DLG2: variants seen among roughly 807,000 people sequenced by gnomAD.
The protein encoded by DLG2 is disks large homolog 2.
Under a neutral mutation model 132.5 loss-of-function variants are expected in DLG2, and 45 were observed. The ratio of observed to expected loss-of-function variants is 0.34; its 90% CI spans 0.27 to 0.44. The LOEUF (loss-of-function observed/expected upper bound fraction) is 0.44. Ranked by LOEUF, DLG2 falls within the 20% of genes least tolerant of loss-of-function variation. The pLI is 1.00. For synonymous variants in DLG2, 424 were observed against 419.6 expected (o/e 1.01, Z -0.13); for missense variants, 1,045 against 1,196.9 (o/e 0.87, Z 1.87).
chr11:83,796,055 A>G (rs999279748), intron 17 of DLG2, among the ~76,000 whole-genome samples: 1 of 152,254 alleles, frequency 6.6e-6, no homozygotes, highest in Non-Finnish European at 1.5e-5. Context: ...TAAGCTCCTT[A>G]AAAGTCAGAT....
At chr11:84,460,593 A>C (rs2099077787) in intron 7 of DLG2, among the ~76,000 whole-genome samples, 1 of 150,630 alleles carries the variant, frequency 6.6e-6, no homozygotes, top group South Asian at 2.1e-4. Flanking sequence ...TACATCCATG[A>C]ATTACAACCT....
Position 83,562,867 on chromosome 11 carries a change from G to A in DLG2, c.1941-21009C>T, listed in dbSNP as rs530652022. On this transcript the variant is annotated intron_variant, in intron 19 of 27. Transcript: ENST00000376104. ...CTCCACTTCTTTACATTTCTTGAGC[G>A]CCTTACCAATCTGCATCTGGTCTTT... Among the ~76,000 whole-genome samples the A allele has an allele frequency of 1.3e-3, 204 of 151,502 alleles. 3 individuals carry two copies. Among genetic ancestry groups the A allele is most frequent in the South Asian group, 2.1e-4 (1 of 4,760 alleles).
At chr11:84,421,927 G>A (rs1039539587) in intron 7 of DLG2, among the ~76,000 whole-genome samples, 1 of 152,126 alleles carries the variant, frequency 6.6e-6, no homozygotes, top group Admixed American at 6.5e-5. Context: ...CCCTCTCCGA[G>A]GCCTCCTGTG....
chr11:84,108,676 A>C (rs995374945), intron 9 of DLG2, among the ~76,000 whole-genome samples: 1 of 152,124 alleles, frequency 6.6e-6, no homozygotes, highest in Non-Finnish European at 1.5e-5. Flanking sequence ...GGGGACAGTA[A>C]GTTTTTGGGT....
chr11:84,449,318 G>T (rs2099044661), intron 7 of DLG2, among the ~76,000 whole-genome samples: 2 of 151,520 alleles, frequency 1.3e-5, no homozygotes, highest in Admixed American at 6.6e-5. Flanking sequence ...TTTCCATCCT[G>T]CCACCTACAT....
At chr11:83,989,408 C>T (rs919185841) in intron 11 of DLG2, among the ~76,000 whole-genome samples, 2 of 152,082 alleles carry the variant, frequency 1.3e-5, no homozygotes, top group South Asian at 2.1e-4. Context: ...AAATAAAGTG[C>T]TCTCAATAAA....
rs1565748762 is a variant in DLG2, at chr11:84,714,581, CTTTCTCTTTCTCTTTCTT to C, written c.358-179868_358-179851del. Among the ~76,000 whole-genome samples the C allele has an allele frequency of 1.3e-3, 168 of 133,102 alleles. No homozygotes were observed. In the Middle Eastern group the frequency reaches 0.019, roughly 15 times the overall value. The allele number at this position is 133,102 out of a possible 152,430, so 87.3% of individuals were successfully genotyped here. A position where few individuals can be genotyped will look rare whatever the true frequency, so the allele number is the denominator to read the frequency against. On this transcript the variant is annotated intron_variant, in intron 6 of 27. Coordinates refer to ENST00000376104, the MANE Select transcript of DLG2 (RefSeq NM_001142699.3). ...TCTTTCTCTTTCTCTTTCTCTTTCTCTTTCTCTTTCTCTTTCTTTCTCTTTCTCTTTCTCTTTCTCTTT... is the reference window on the plus strand; with the variant it reads ...TCTTTCTCTTTCTCTTTCTCTTTCTCTCTCTTTCTCTTTCTCTTTCTCTTT...
chr11:85,570,734 A>T (rs2077797825), intron 3 of DLG2, among the ~76,000 whole-genome samples: 1 of 152,114 alleles, frequency 6.6e-6, no homozygotes, highest in South Asian at 2.1e-4. Context: ...TAATTTCATT[A>T]TGTGTATGTT....
rs1320030032 is a variant in DLG2, at chr11:84,030,888, C to T, written c.919+28427G>A. ...ACAAGGGGTGCTCATTAAAGAGACTCTATTCAAGATGACTGCCTGAATCTC... is the reference window on the plus strand; with the variant it reads ...ACAAGGGGTGCTCATTAAAGAGACTTTATTCAAGATGACTGCCTGAATCTC... On this transcript the variant is annotated intron_variant, in intron 11 of 27. Coordinates refer to ENST00000376104, the MANE Select transcript of DLG2 (RefSeq NM_001142699.3). 7.9e-5 allele frequency among the ~76,000 whole-genome samples: 12 copies of T among 152,246 alleles called. No homozygotes were observed. The South Asian group carries it at 2.1e-3, about 26-fold the overall frequency.
intron 7 of DLG2, among the ~76,000 whole-genome samples, chr11:84,300,711 G>A (rs1445023489): frequency 1.3e-5 from 2 of 152,064 alleles, no homozygotes; most frequent in Non-Finnish European, 2.9e-5. Context: ...TCATAGGAAA[G>A]GTACTCATTT....
intron 3 of DLG2, among the ~76,000 whole-genome samples, chr11:85,348,128 C>T (rs879430368): frequency 2.0e-5 from 3 of 151,068 alleles, no homozygotes; most frequent in Admixed American, 6.6e-5. Flanking sequence ...TGGGACTACA[C>T]GCGCATGCCA....
chr11:84,441,784 A>G (rs999176309), intron 7 of DLG2, among the ~76,000 whole-genome samples: 11 of 152,334 alleles, frequency 7.2e-5, no homozygotes, highest in African/African-American at 2.6e-4. Context: ...ATATCTATGA[A>G]TAAATAAATC....
At chr11:84,587,114 A>G (rs1471934916) in intron 6 of DLG2, among the ~76,000 whole-genome samples, 1 of 148,408 alleles carries the variant, frequency 6.7e-6, no homozygotes, top group Non-Finnish European at 1.5e-5. Context: ...GTACATATCC[A>G]GGTGACAACT....
intron 6 of DLG2, among the ~76,000 whole-genome samples, chr11:84,600,159 G>GGAAAAA (rs1555082761): frequency 1.0e-5 from 1 of 96,102 alleles, no homozygotes; most frequent in African/African-American, 4.3e-5. Flanking sequence ...AAAGAAAGAA[G>GGAAAAA]GAAAGAAAGA....
At chr11:84,216,228 T>A (rs1369749708) in intron 8 of DLG2, among the ~76,000 whole-genome samples, 1 of 152,178 alleles carries the variant, frequency 6.6e-6, no homozygotes, top group African/African-American at 2.4e-5. Flanking sequence ...CTTCTCATGC[T>A]GTGAATATTT....
In DLG2 at chr11:83,882,978, C is replaced by T. The variant is rs138218870; in HGVS notation, c.1497-8490G>A. The stretch of plus-strand genomic sequence containing the variant: ...TGGTTTTCTCCATCCTGTGCCACTG[C>T]GACCCATATTCTTCTCTGTGACAAC... On this transcript the variant is annotated intron_variant, in intron 15 of 27. Coordinates refer to ENST00000376104, the MANE Select transcript of DLG2 (RefSeq NM_001142699.3). Among the ~76,000 whole-genome samples the T allele has an allele frequency of 1.4e-4, 21 of 152,256 alleles. No individual in the cohort carries two copies. In the East Asian group the frequency reaches 3.7e-3, roughly 27 times the overall value.
chr11:85,239,667 CTTTTGGGACTCCCT>C, intron 4 of DLG2, among the ~76,000 whole-genome samples: 1 of 152,020 alleles, frequency 6.6e-6, no homozygotes, highest in East Asian at 1.9e-4. Context: ...TTTATATAAT[CTTTTGGGACTCCCT>C]TTTTCCCTCA....
chr11:84,767,245 GTAT>G (rs200953076), intron 6 of DLG2, among the ~76,000 whole-genome samples: 4,659 of 151,970 alleles, frequency 0.031, 113 homozygotes, highest in South Asian at 0.074. Context: ...TAGAATACTG[GTAT>G]TATGGTGGTC....
At chr11:85,275,896 C>T (rs1441944734) in intron 4 of DLG2, among the ~76,000 whole-genome samples, 12 of 151,200 alleles carry the variant, frequency 7.9e-5, no homozygotes, top group Middle Eastern at 3.2e-3. Flanking sequence ...GTAGAAAATA[C>T]GAAGCTCCCC....
Sources: allele counts gnomAD v4.1 joint callset (sites outside exome capture counted in the v4.1 genomes callset), GRCh38; gene constraint gnomAD v4.1.1; transcripts MANE v1.5; gene names NCBI Gene and HGNC (gene_info 2026-07-23, HGNC 2026-07-21).